GPHN: variants seen among roughly 807,000 people sequenced by gnomAD.
GPHN encodes the protein gephyrin.
Under a neutral mutation model 95.5 loss-of-function variants are expected in GPHN, and 17 were observed. The ratio of observed to expected loss-of-function variants is 0.18; its 90% CI spans 0.12 to 0.27. The LOEUF (loss-of-function observed/expected upper bound fraction) is 0.27. Among genes scored for constraint, GPHN ranks in the 10% least tolerant of loss-of-function variants. The pLI is 1.00. For missense variants in GPHN, 660 were observed against 978.1 expected (o/e 0.67, Z 4.34); for synonymous variants, 320 against 322.5 (o/e 0.99, Z 0.08).
the GPHN span, among the ~76,000 whole-genome samples, chr14:67,213,677 C>T: frequency 6.6e-6 from 1 of 152,054 alleles, no homozygotes; most frequent in Admixed American, 6.5e-5. Context: ...TGGGTATATA[C>T]CCAGTAATGG....
At chr14:67,509,987 G>C in the GPHN span, among the ~76,000 whole-genome samples, 1 of 151,714 alleles carries the variant, frequency 6.6e-6, no homozygotes, top group African/African-American at 2.4e-5. Flanking sequence ...TAAAGCCTGA[G>C]CAACAGAGAG....
At chr14:67,508,561 C>T in the GPHN span, among the ~76,000 whole-genome samples, 1 of 151,708 alleles carries the variant, frequency 6.6e-6, no homozygotes. Flanking sequence ...CCACCTTAAC[C>T]CTCATTCCTC....
intron 4 of GPHN, among the ~76,000 whole-genome samples, chr14:66,826,300 C>A (rs2061382913): frequency 6.6e-6 from 1 of 152,126 alleles, no homozygotes; most frequent in African/African-American, 2.4e-5. Flanking sequence ...ACAAGGTGAC[C>A]ATAGACGGAG....
In GPHN at chr14:67,031,523, CTT is replaced by C. The variant is rs375901742; in HGVS notation, c.1006+7853_1006+7854del. Among the ~76,000 whole-genome samples the C allele has an allele frequency of 1.1e-3, 168 of 152,184 alleles. 5 individuals are homozygous for C. The South Asian group carries it at 0.034, about 31-fold the overall frequency. On this transcript the variant is annotated intron_variant, in intron 10 of 22. Coordinates refer to ENST00000478722, the MANE Select transcript of GPHN (RefSeq NM_020806.5). The stretch of plus-strand genomic sequence containing the variant: ...TATTTATAAGCACTATTTTTCTCGA[CTT>C]TTTTATCTAGTCTAAGTAAACCAAC...
chr14:66,540,885 C>T (rs141835137), intron 1 of GPHN, among the ~76,000 whole-genome samples: 1,922 of 152,064 alleles, frequency 0.013, 21 homozygotes, highest in Non-Finnish European at 0.019. Context: ...GTGATCCTCA[C>T]GCCTCAACCT....
At chr14:67,640,838 AG>A in the GPHN span, among the ~76,000 whole-genome samples, 1 of 152,236 alleles carries the variant, frequency 6.6e-6, no homozygotes, top group African/African-American at 2.4e-5. Context: ...TGGACTCATG[AG>A]GAATTCCTTA....
chr14:66,976,923 G>T (rs931923881), intron 9 of GPHN, among the ~76,000 whole-genome samples: 1 of 135,786 alleles, frequency 7.4e-6, no homozygotes, highest in Non-Finnish European at 1.6e-5. Flanking sequence ...TGTGGGGGGG[G>T]GGGGAGTACA....
intron 9 of GPHN, among the ~76,000 whole-genome samples, chr14:67,004,873 A>T (rs2072493408): frequency 6.6e-6 from 1 of 151,718 alleles, no homozygotes; most frequent in Non-Finnish European, 1.5e-5. Context: ...GAAAGGAGAG[A>T]TAAAGGCAAG....
At chr14:67,483,153 G>A in the GPHN span, among the ~76,000 whole-genome samples, 2 of 152,062 alleles carry the variant, frequency 1.3e-5, no homozygotes, top group Non-Finnish European at 2.9e-5. Flanking sequence ...TGGGATTATA[G>A]GTTCCTGCCA....
intron 2 of GPHN, among the ~76,000 whole-genome samples, chr14:66,751,756 A>G (rs754567043): frequency 7.9e-5 from 12 of 152,074 alleles, no homozygotes; most frequent in Non-Finnish European, 1.3e-4. Flanking sequence ...AGAATGGTCA[A>G]TGAGCATTGG....
At chr14:67,670,329 C>G in the GPHN span, among the ~76,000 whole-genome samples, 1 of 152,100 alleles carries the variant, frequency 6.6e-6, no homozygotes, top group Non-Finnish European at 1.5e-5. Flanking sequence ...TTCACCTGCC[C>G]CTCTACTACT....
chr14:67,687,538 C>A, the GPHN span, among the ~76,000 whole-genome samples: 1 of 136,918 alleles, frequency 7.3e-6, no homozygotes, highest in Admixed American at 8.3e-5. Context: ...ATGGTATGAT[C>A]TCAGCTCACC....
At chr14:67,036,512 C>CAG (rs1309882648) in intron 10 of GPHN, among the ~76,000 whole-genome samples, 1 of 146,066 alleles carries the variant, frequency 6.8e-6, no homozygotes, top group Non-Finnish European at 1.5e-5. Context: ...CACACACACA[C>CAG]ACACACACAC....
the GPHN span, chr14:67,684,895 G>C: frequency 5.7e-6 from 4 of 706,852 alleles, no homozygotes; most frequent in South Asian, 2.5e-5. Flanking sequence ...AAAAACTCTA[G>C]AGTTAAAAGA....
chr14:67,589,642 G>C, the GPHN span: 1 of 986,484 alleles, frequency 1.0e-6, no homozygotes, highest in Non-Finnish European at 1.2e-6. Context: ...ATTTCTTCCT[G>C]CTAACCAGTA....
intron 13 of GPHN, among the ~76,000 whole-genome samples, chr14:67,108,413 T>C (rs2078167908): frequency 6.6e-6 from 1 of 152,138 alleles, no homozygotes; most frequent in African/African-American, 2.4e-5. Context: ...AAATAGTCCA[T>C]AGAGGTCAGC....
the GPHN span, among the ~76,000 whole-genome samples, chr14:67,347,061 G>A: frequency 4.0e-5 from 6 of 151,882 alleles, no homozygotes; most frequent in African/African-American, 7.3e-5. Context: ...ATCAGAACTC[G>A]CTGCAACTAC....
intron 2 of GPHN, among the ~76,000 whole-genome samples, chr14:66,742,138 G>C (rs1251350535): frequency 1.7e-4 from 26 of 152,140 alleles, no homozygotes. Flanking sequence ...CTTTTGCCTT[G>C]TTAGATTTCA....
At chr14:66,637,792 G>A (rs2064178792) in intron 1 of GPHN, among the ~76,000 whole-genome samples, 2 of 152,138 alleles carry the variant, frequency 1.3e-5, no homozygotes, top group Admixed American at 6.5e-5. Flanking sequence ...TGGTAAGTAT[G>A]AGGTTAATTT....
Sources: gnomAD v4.1 joint callset for allele counts (sites outside exome capture counted in the v4.1 genomes callset) on GRCh38, gnomAD v4.1.1 for gene constraint, MANE v1.5 for transcripts, NCBI Gene and HGNC (gene_info 2026-07-23, HGNC 2026-07-21) for gene names.